Variants in NFKBIL1 observed in about 807,000 individuals in gnomAD.
NFKBIL1 encodes the protein NF-kappa-B inhibitor-like protein 1.
NFKBIL1 carries 30 observed loss-of-function variants against 45.4 expected under a neutral mutation model. The observed-to-expected ratio is 0.66, with a 90% CI of 0.49 to 0.90. The LOEUF (loss-of-function observed/expected upper bound fraction) is 0.90, where lower values mean the gene tolerates loss of function less well. NFKBIL1 is among the 40% of genes least tolerant of loss of function. The probability of loss-of-function intolerance (pLI) is 0.00; values close to 1 mark genes in which losing one functional copy is unlikely to be tolerated. For synonymous variants in NFKBIL1, 179 were observed against 197.3 expected (o/e 0.91, Z 0.78); for missense variants, 434 against 513.4 (o/e 0.85, Z 1.49).
intron 2 of NFKBIL1, among the ~76,000 whole-genome samples, chr6:31,551,584 G>T (rs1769431101): frequency 6.6e-6 from 1 of 151,688 alleles, no homozygotes. Context: ...ATCTCATTCA[G>T]CTTCCAGCTT....
chr6:31,557,657 A>C lies in NFKBIL1; in HGVS notation c.364A>C (p.Ser122Arg). The part of the protein sequence containing the change: ...AYTDFFLPLL[S>R]RCPSAMGIKN... The stretch of plus-strand genomic sequence containing the variant: ...CACCGATTTCTTCCTCCCGCTGCTA[A>C]GCCGCTGTCCCTCCGCCATGGGAAT... The change falls in exon 3 of 4, where the codon AGC becomes CGC. Residue 122 changes from serine to arginine, a missense_variant. Around this residue, in one of 4 missense-constraint regions of NFKBIL1, gnomAD observed 231 missense variants for 264.1 expected, o/e 0.87. Coordinates refer to ENST00000376148, the MANE Select transcript of NFKBIL1 (RefSeq NM_005007.4). This position sits in a 1 kb window ranked among gnomAD's most constrained non-coding sequence, Gnocchi z 5.4. 1 of 1,555,534 alleles carries C rather than the reference A, an allele frequency of 6.4e-7. No individual in the cohort carries two copies. Among genetic ancestry groups the C allele is most frequent in the Non-Finnish European group, 8.7e-7 (1 of 1,145,546 alleles).
chr6:31,549,198 C>G (rs1325749706), intron 2 of NFKBIL1, among the ~76,000 whole-genome samples: 1 of 152,124 alleles, frequency 6.6e-6, no homozygotes, highest in Non-Finnish European at 1.5e-5. Flanking sequence ...ACCTGGCACA[C>G]ACGATAAGCA....
rs1330990586 is a variant in NFKBIL1 at position 31,558,012 on chromosome 6, T to G, written c.557-10T>G. The G allele has an allele frequency of 1.5e-6, 1 of 654,306 alleles. No homozygotes were observed. Among genetic ancestry groups the G allele is most frequent in the East Asian group, 5.4e-5 (1 of 18,418 alleles). 40.5% of individuals were successfully genotyped at this position (654,306 alleles called of 1,614,324 possible). The stretch of plus-strand genomic sequence containing the variant: ...CTCTCCAACTACCCCCATCCCACCC[T>G]CCCAAACAGGTGATGCCTCCCATGA... On this transcript the variant is annotated splice_polypyrimidine_tract_variant and intron_variant, in intron 3 of 3. Coordinates refer to ENST00000376148, the MANE Select transcript of NFKBIL1 (RefSeq NM_005007.4). The surrounding 1 kb of genome is among the most constrained non-coding windows in gnomAD (Gnocchi z 7.2).
At chr6:31,555,910 C>T (rs569158355) in intron 2 of NFKBIL1, among the ~76,000 whole-genome samples, 1 of 147,924 alleles carries the variant, frequency 6.8e-6, no homozygotes, top group East Asian at 2.0e-4. Flanking sequence ...CCCCCCCCCC[C>T]AGCCTCCCAA....
Position 31,557,736 on chromosome 6 carries a change from G to C in NFKBIL1, c.443G>C (p.Trp148Ser). The C allele has an allele frequency of 6.2e-7, 1 of 1,611,778 alleles. No individual in the cohort carries two copies. Among genetic ancestry groups the C allele is most frequent in the East Asian group, 2.2e-5 (1 of 44,818 alleles). The change falls in exon 3 of 4, where the codon TGG becomes TCG. Residue 148 changes from tryptophan (W) to serine (S), a missense_variant. Physicochemically the swap from Trp to Ser is radical, Grantham distance 177. Around this residue, in one of 4 missense-constraint regions of NFKBIL1, gnomAD observed 231 missense variants for 264.1 expected, o/e 0.87. Transcript: ENST00000376148. The surrounding 1 kb of genome is among the most constrained non-coding windows in gnomAD (Gnocchi z 5.4). ...CAAATTTTGGGCTGGGGACCCCCCT[G>C]GGATTCTGCTGAAGAGGAGGAAGAA... ...PGQILGWGPP[W>S]DSAEEEEEDD...
intron 2 of NFKBIL1, among the ~76,000 whole-genome samples, chr6:31,549,878 G>A (rs1279942963): frequency 2.0e-5 from 3 of 152,054 alleles, no homozygotes; most frequent in Non-Finnish European, 2.9e-5. Flanking sequence ...TGGCACTGAA[G>A]GATTCAAATG....
chr6:31,547,665 G>A lies in NFKBIL1; in HGVS notation c.-30G>A, dbSNP rs184482758. ...CACAGGCCTTGGGCCTACGGCTCTG[G>A]GGGTACTTGGGGGGGCGGGGGCAGG... On this transcript the variant is annotated 5_prime_UTR_variant, in exon 1 of 4. Transcript: ENST00000376148. 5.1e-6 allele frequency: 8 copies of A among 1,576,954 alleles called. No individual in the cohort carries two copies. Among genetic ancestry groups the A allele is most frequent in the Non-Finnish European group, 6.9e-6 (8 of 1,151,174 alleles).
At position 31,555,531 on chromosome 6, in the gene NFKBIL1, G is replaced by A. The variant is rs56259854; in HGVS notation, c.335-2097G>A. Reference sequence around the variant, plus strand: ...GGGATTACAGGCCATGAGCCACCACGCCCGGCCTCTTTTTTTCCAACCATA... The same window carrying A: ...GGGATTACAGGCCATGAGCCACCACACCCGGCCTCTTTTTTTCCAACCATA... On this transcript the variant is annotated intron_variant, in intron 2 of 3. Coordinates refer to ENST00000376148, the MANE Select transcript of NFKBIL1 (RefSeq NM_005007.4). 1.0e-2 allele frequency among the ~76,000 whole-genome samples: 1,481 copies of A among 148,358 alleles called. 23 individuals carry two copies. The highest frequency in any genetic ancestry group is 0.069 in the South Asian group (321 of 4,684).
In NFKBIL1 at chr6:31,558,735, A is replaced by T; in HGVS notation, c.*124A>T. ...CTGCTCAGCAGAGGATATGGGTGGGAGCGAAAGTTGTAACAAGTGGGGGTG... is the reference window on the plus strand; with the variant it reads ...CTGCTCAGCAGAGGATATGGGTGGGTGCGAAAGTTGTAACAAGTGGGGGTG... On this transcript the variant is annotated 3_prime_UTR_variant, in exon 4 of 4. Coordinates refer to ENST00000376148, the MANE Select transcript of NFKBIL1 (RefSeq NM_005007.4). The surrounding 1 kb of genome is among the most constrained non-coding windows in gnomAD (Gnocchi z 7.2). The T allele has an allele frequency of 2.5e-6, 2 of 809,330 alleles. No individual in the cohort carries two copies. The highest frequency in any genetic ancestry group is 3.7e-6 in the Non-Finnish European group (2 of 534,536). 50.1% of individuals were successfully genotyped at this position (809,330 alleles called of 1,614,324 possible).
chr6:31,558,711 T>C lies in NFKBIL1; in HGVS notation c.*100T>C, dbSNP rs1378484321. On this transcript the variant is annotated 3_prime_UTR_variant, in exon 4 of 4. Coordinates refer to ENST00000376148, the MANE Select transcript of NFKBIL1 (RefSeq NM_005007.4). The surrounding 1 kb of genome is among the most constrained non-coding windows in gnomAD (Gnocchi z 7.2). ...GGGACCACAAGGAAGAGCCAGGTGCTGCTCAGCAGAGGATATGGGTGGGAG... is the reference window on the plus strand; with the variant it reads ...GGGACCACAAGGAAGAGCCAGGTGCCGCTCAGCAGAGGATATGGGTGGGAG... 3 of 1,093,644 alleles carry C rather than the reference T, an allele frequency of 2.7e-6. No homozygotes were observed. Among genetic ancestry groups the C allele is most frequent in the East Asian group, 2.6e-5 (1 of 38,258 alleles). 67.7% of individuals were successfully genotyped at this position (1,093,644 alleles called of 1,614,324 possible).
rs1268674825 is a variant in NFKBIL1, at chr6:31,548,396, T to G, written c.291T>G (p.His97Gln). ...CTGACCCTGCCCACCAGGACCGCCA[T>G]GGGGACACGGCACTGCATGCTGCTG... ...LGADPAHQDR[H>Q]GDTALHAAAR... The change falls in exon 2 of 4, where the codon CAT (histidine) becomes CAG (glutamine). Residue 97 changes from histidine (H) to glutamine (Q), a missense_variant. His to Gln is a conservative substitution (Grantham distance 24). Coordinates refer to ENST00000376148, the MANE Select transcript of NFKBIL1 (RefSeq NM_005007.4). 5 of 1,549,230 alleles carry G rather than the reference T, an allele frequency of 3.2e-6. No homozygotes were observed. Among genetic ancestry groups the G allele is most frequent in the Non-Finnish European group, 4.3e-6 (5 of 1,151,824 alleles).
chr6:31,551,155 T>G (rs113488102), intron 2 of NFKBIL1, among the ~76,000 whole-genome samples: 8,385 of 152,236 alleles, frequency 0.055, 333 homozygotes, highest in Middle Eastern at 0.13. Context: ...GCCTCCCTAG[T>G]AGCTGGGACT....
chr6:31,556,900 G>C (rs769970659), intron 2 of NFKBIL1: 3 of 367,922 alleles, frequency 8.2e-6, no homozygotes, highest in East Asian at 1.5e-4. Flanking sequence ...CCAGAGTAGA[G>C]CATTCAGATA....
At chr6:31,552,455 T>C (rs1361602412) in intron 2 of NFKBIL1, among the ~76,000 whole-genome samples, 1 of 151,210 alleles carries the variant, frequency 6.6e-6, no homozygotes, top group Non-Finnish European at 1.5e-5. Flanking sequence ...GCCTGGCTAA[T>C]TTTTTGTATT....
intron 2 of NFKBIL1, chr6:31,556,919 G>A: frequency 2.8e-6 from 1 of 355,184 alleles, no homozygotes; most frequent in Non-Finnish European, 5.8e-6. Flanking sequence ...TATTTTCCCA[G>A]TCTGATATAT....
At chr6:31,549,983 C>T (rs1257073597) in intron 2 of NFKBIL1, among the ~76,000 whole-genome samples, 6 of 152,032 alleles carry the variant, frequency 3.9e-5, no homozygotes, top group Non-Finnish European at 5.9e-5. Flanking sequence ...AGTCAGATCA[C>T]GAGGTCAGGA....
rs191051733 is a variant in NFKBIL1 at position 31,550,752 on chromosome 6, C to T, written c.334+2313C>T. On this transcript the variant is annotated intron_variant, in intron 2 of 3. Coordinates refer to ENST00000376148, the MANE Select transcript of NFKBIL1 (RefSeq NM_005007.4). ...TTGCCCAGGCTAGAGTGCAATGGCG[C>T]GATTTCAGCCCACCTCAACCTCTGC... 3.3e-3 allele frequency among the ~76,000 whole-genome samples: 507 copies of T among 152,276 alleles called. 1 individual carries two copies. The highest frequency in any genetic ancestry group is 0.012 in the African/African-American group (483 of 41,550).
chr6:31,558,006 C>A lies in NFKBIL1; in HGVS notation c.557-16C>A. On this transcript the variant is annotated splice_polypyrimidine_tract_variant and intron_variant, in intron 3 of 3. Transcript: ENST00000376148. This position sits in a 1 kb window ranked among gnomAD's most constrained non-coding sequence, Gnocchi z 7.2. ...CAGCCTCTCTCCAACTACCCCCATC[C>A]CACCCTCCCAAACAGGTGATGCCTC... The A allele has an allele frequency of 1.4e-6, 2 of 1,477,146 alleles. No homozygotes were observed. Among genetic ancestry groups the A allele is most frequent in the African/African-American group, 1.4e-5 (1 of 72,438 alleles). The allele number at this position is 1,477,146 out of a possible 1,614,324, so 91.5% of individuals were successfully genotyped here.
At chr6:31,555,235 C>CTTTTTTTT in intron 2 of NFKBIL1, among the ~76,000 whole-genome samples, 1 of 125,148 alleles carries the variant, frequency 8.0e-6, no homozygotes, top group Non-Finnish European at 1.7e-5. Flanking sequence ...TATTTTTTTT[C>CTTTTTTTT]TTTTTTTTTT....
Sources: allele counts gnomAD v4.1 joint callset (sites outside exome capture counted in the v4.1 genomes callset), GRCh38; gene constraint gnomAD v4.1.1; regional missense constraint gnomAD v4.1.1; non-coding constraint Gnocchi (gnomAD v3.1); transcripts MANE v1.5; gene names NCBI Gene and HGNC (gene_info 2026-07-23, HGNC 2026-07-21).